Variants in TRPC5 observed in about 807,000 individuals in gnomAD.
TRPC5 encodes transient receptor potential cation channel subfamily C member 5.
In TRPC5, 9 loss-of-function variants were observed where a neutral mutation model predicts 56.5. The ratio of observed to expected loss-of-function variants is 0.16; its 90% CI spans 0.10 to 0.28. The LOEUF (loss-of-function observed/expected upper bound fraction) is 0.28. Among genes scored for constraint, TRPC5 ranks in the 10% least tolerant of loss-of-function variants. The pLI, the probability that TRPC5 is intolerant of heterozygous loss-of-function variation, is 1.00. For synonymous variants in TRPC5, 282 were observed against 278.5 expected, an observed-to-expected ratio of 1.01 and a Z score of -0.13; for missense variants, 469 against 748.9, an observed-to-expected ratio of 0.63 and a Z score of 4.36.
chrX:111,965,380 C>T (rs1927531434), intron 1 of TRPC5, among the ~76,000 whole-genome samples: 2 of 111,763 alleles, frequency 1.8e-5, no homozygotes, highest in Non-Finnish European at 1.9e-5. Context: ...AAATGGGAGA[C>T]TTTAACACCC....
At chrX:112,074,651 G>A (rs1009770036) in intron 1 of TRPC5, among the ~76,000 whole-genome samples, 2 of 111,386 alleles carry the variant, frequency 1.8e-5, no homozygotes, top group Non-Finnish European at 3.8e-5. Context: ...ATGGCTTAAA[G>A]CATGATGCCC....
In TRPC5 at chrX:111,912,510, G is replaced by C; in HGVS notation, c.681C>G (p.Leu227=). ...CATTCTCCACCTTGCTGAGCTCCTTGAGCTCCCAGCCCAGACGGAAGGCAG... is the reference window on the plus strand; with the variant it reads ...CATTCTCCACCTTGCTGAGCTCCTTCAGCTCCCAGCCCAGACGGAAGGCAG... ...ILTAFRLGWE[L]KELSKVENEF... The change falls in exon 3 of 11, where the codon CTC becomes CTG. Residue 227 remains leucine, a synonymous_variant. Transcript: ENST00000262839. 7 of 1,211,512 alleles carry C rather than the reference G, an allele frequency of 5.8e-6. No individual in the cohort carries two copies. Among genetic ancestry groups the C allele is most frequent in the Non-Finnish European group, 7.8e-6 (7 of 895,503 alleles).
At chrX:111,821,182 C>T (rs6642503) in intron 7 of TRPC5, among the ~76,000 whole-genome samples, 152 of 111,723 alleles carry the variant, frequency 1.4e-3, no homozygotes, top group African/African-American at 4.8e-3. Context: ...TTAGGAAGGG[C>T]TTTGAGATAA....
intron 1 of TRPC5, among the ~76,000 whole-genome samples, chrX:112,074,590 A>G (rs962449090): frequency 3.6e-5 from 4 of 111,322 alleles, no homozygotes; most frequent in Non-Finnish European, 7.5e-5. Context: ...AGGCCTCTAC[A>G]GACTGAACTT....
chrX:112,062,870 G>A (rs1223494804), intron 1 of TRPC5, among the ~76,000 whole-genome samples: 2 of 111,858 alleles, frequency 1.8e-5, no homozygotes, highest in African/African-American at 6.5e-5. Flanking sequence ...GGGAGAGACA[G>A]TAGGCAGTTG....
intron 1 of TRPC5, among the ~76,000 whole-genome samples, chrX:112,080,362 T>C (rs185305852): frequency 2.8e-5 from 3 of 108,048 alleles, no homozygotes; most frequent in African/African-American, 1.0e-4. Flanking sequence ...GCCAAGATTG[T>C]ATGGGGTTGA....
At chrX:111,911,554 A>G (rs1348558176) in intron 3 of TRPC5, among the ~76,000 whole-genome samples, 1 of 111,073 alleles carries the variant, frequency 9.0e-6, no homozygotes, top group African/African-American at 3.3e-5. Flanking sequence ...GCTCTCCCAA[A>G]CTGTCTGATA....
At chrX:112,070,042 A>C (rs1930679444) in intron 1 of TRPC5, among the ~76,000 whole-genome samples, 1 of 111,684 alleles carries the variant, frequency 9.0e-6, no homozygotes, top group Non-Finnish European at 1.9e-5. Flanking sequence ...ATTTCAGGGA[A>C]AGAAATCCAG....
At chrX:111,897,886 A>C (rs1925144298) in intron 3 of TRPC5, among the ~76,000 whole-genome samples, 3 of 111,012 alleles carry the variant, frequency 2.7e-5, no homozygotes, top group African/African-American at 9.8e-5. Flanking sequence ...AATTTGGGTA[A>C]ATACCTATGA....
chrX:111,798,762 C>G (rs78669857), intron 7 of TRPC5, among the ~76,000 whole-genome samples: 1 of 111,541 alleles, frequency 9.0e-6, no homozygotes, highest in Non-Finnish European at 1.9e-5. Flanking sequence ...TGAAAATGCA[C>G]CTTTTGTATG....
At chrX:111,897,480 G>A (rs1468391001) in intron 3 of TRPC5, among the ~76,000 whole-genome samples, 1 of 110,841 alleles carries the variant, frequency 9.0e-6, no homozygotes, top group Non-Finnish European at 1.9e-5. Flanking sequence ...ACCCACAACC[G>A]TACCTAAACA....
chrX:111,834,022 A>G (rs1488455672), intron 7 of TRPC5, among the ~76,000 whole-genome samples: 2 of 111,540 alleles, frequency 1.8e-5, no homozygotes, highest in East Asian at 5.6e-4. Context: ...ACTAAATCAG[A>G]CCTCAGGTAA....
At chrX:111,913,177 GAGTCAAATTGTCAATTAT>G (rs1241345043) in intron 2 of TRPC5, among the ~76,000 whole-genome samples, 3 of 111,504 alleles carry the variant, frequency 2.7e-5, no homozygotes, top group African/African-American at 9.8e-5. Context: ...CCAAGCTCTA[GAGTCAAATTGTCAATTAT>G]GCAATGACAA....
chrX:111,811,153 T>C (rs1332913466), intron 7 of TRPC5, among the ~76,000 whole-genome samples: 1 of 112,040 alleles, frequency 8.9e-6, no homozygotes, highest in African/African-American at 3.2e-5. Flanking sequence ...TCAGATTCCA[T>C]TGGATGCATT....
chrX:111,862,455 G>A (rs1408102895), intron 3 of TRPC5, among the ~76,000 whole-genome samples: 1 of 112,249 alleles, frequency 8.9e-6, no homozygotes, highest in Non-Finnish European at 1.9e-5. Flanking sequence ...TCCATGGTTA[G>A]ATTTGACTGA....
At chrX:111,922,568 C>G (rs1926153134) in intron 2 of TRPC5, among the ~76,000 whole-genome samples, 1 of 112,276 alleles carries the variant, frequency 8.9e-6, no homozygotes, top group African/African-American at 3.2e-5. Flanking sequence ...GCTTCCTGCT[C>G]TGCCTATCTA....
intron 1 of TRPC5, among the ~76,000 whole-genome samples, chrX:112,019,451 T>G (rs771388735): frequency 0.012 from 1,348 of 109,930 alleles, 21 homozygotes; most frequent in African/African-American, 0.043. Context: ...TTTTTTTTTT[T>G]TTGGGATGGA....
intron 7 of TRPC5, among the ~76,000 whole-genome samples, chrX:111,789,540 C>G (rs182468573): frequency 2.9e-4 from 32 of 111,590 alleles, no homozygotes; most frequent in Non-Finnish European, 4.7e-4. Flanking sequence ...AAAAGCAATG[C>G]CAACAAAAGT....
chrX:111,973,650 C>T (rs888562674), intron 1 of TRPC5, among the ~76,000 whole-genome samples: 12 of 111,693 alleles, frequency 1.1e-4, no homozygotes, highest in African/African-American at 3.6e-4. Flanking sequence ...ATGGCTCATA[C>T]TATCTCACAA....
Sources: gnomAD v4.1 joint callset for allele counts (sites outside exome capture counted in the v4.1 genomes callset) on GRCh38, gnomAD v4.1.1 for gene constraint, MANE v1.5 for transcripts, NCBI Gene and HGNC (gene_info 2026-07-23, HGNC 2026-07-21) for gene names.